The following ATF6 variants were observed in gnomAD, a reference collection of about 807,000 sequenced individuals.
ATF6 encodes the protein cyclic AMP-dependent transcription factor ATF-6 alpha.
A neutral mutation model predicts 83.6 loss-of-function variants in ATF6; 53 were observed. The ratio of observed to expected loss-of-function variants is 0.63; its 90% confidence interval spans 0.51 to 0.80. The LOEUF (loss-of-function observed/expected upper bound fraction) is 0.80. ATF6 is among the 30% of genes least tolerant of loss of function. The pLI, the probability that ATF6 is intolerant of heterozygous loss-of-function variation, is 0.00. For synonymous variants in ATF6, 288 were observed against 285.8 expected (o/e 1.01, Z -0.08); for missense variants, 744 against 797.9 (o/e 0.93, Z 0.81).
intron 9 of ATF6, among the ~76,000 whole-genome samples, chr1:161,833,925 G>A (rs1262658528): frequency 3.3e-5 from 5 of 152,242 alleles, no homozygotes; most frequent in South Asian, 2.1e-4. Flanking sequence ...GATACTCCTC[G>A]AGAAGAGCAA....
rs34794290 is a variant in ATF6 at position 161,959,171 on chromosome 1, GA to G, written c.*521del. 1 of 152,312 alleles carries G rather than the reference GA, an allele frequency of 6.6e-6. No homozygotes were observed. The highest frequency in any genetic ancestry group is 1.5e-5 in the Non-Finnish European group (1 of 68,072). The allele number at this position is 152,312 out of a possible 1,614,324, so 9.4% of individuals were successfully genotyped here. ...TTTGAGAAAACACATTTCAAAACCA[GA>G]AAAGCCAAAAACACTCCAAAAACAA... On this transcript the variant is annotated 3_prime_UTR_variant, in exon 16 of 16. Transcript: ENST00000367942.
At chr1:161,952,495 T>C (rs1395886724) in intron 15 of ATF6, among the ~76,000 whole-genome samples, 7 of 152,232 alleles carry the variant, frequency 4.6e-5, no homozygotes, top group African/African-American at 1.7e-4. Context: ...CTATAACTTA[T>C]TTTCTTTATT....
chr1:161,875,409 GAA>G (rs1238601951), intron 14 of ATF6, among the ~76,000 whole-genome samples: 1 of 151,776 alleles, frequency 6.6e-6, no homozygotes, highest in Non-Finnish European at 1.5e-5. Context: ...TTGGTCATTT[GAA>G]AATACTGGTT....
At chr1:161,951,127 A>G (rs150344940) in intron 15 of ATF6, among the ~76,000 whole-genome samples, 2 of 152,356 alleles carry the variant, frequency 1.3e-5, no homozygotes, top group Non-Finnish European at 2.9e-5. Flanking sequence ...TTGACCATAT[A>G]TAGCTTAGAC....
At chr1:161,819,937 G>A (rs1368726703) in intron 8 of ATF6, 119 bp downstream of exon 8, 5 of 953,740 alleles carry the variant, frequency 5.2e-6, no homozygotes, top group Middle Eastern at 3.5e-4. Context: ...GGAAAAGGAG[G>A]GTATAATAAG....
chr1:161,790,041 CT>C (rs982011383), intron 4 of ATF6, among the ~76,000 whole-genome samples: 63 of 152,148 alleles, frequency 4.1e-4, no homozygotes, highest in Admixed American at 1.1e-3. Flanking sequence ...TTAAATTTGC[CT>C]TTGACTACCA....
At chr1:161,941,106 C>A (rs1009595920) in intron 15 of ATF6, among the ~76,000 whole-genome samples, 9 of 152,180 alleles carry the variant, frequency 5.9e-5, no homozygotes, top group African/African-American at 1.7e-4. Flanking sequence ...ATCATGGGAA[C>A]AAACTCCCAT....
At chr1:161,938,337 A>G (rs1688578060) in intron 15 of ATF6, among the ~76,000 whole-genome samples, 1 of 152,256 alleles carries the variant, frequency 6.6e-6, no homozygotes, top group Admixed American at 6.5e-5. Flanking sequence ...TTAGAATTAC[A>G]TCTAAAGAAA....
chr1:161,804,216 C>T (rs962820552), intron 7 of ATF6, among the ~76,000 whole-genome samples: 5 of 151,568 alleles, frequency 3.3e-5, no homozygotes, highest in Non-Finnish European at 5.9e-5. Flanking sequence ...TAGAAAATAT[C>T]CAAAGTTGCC....
At chr1:161,926,691 A>G (rs1688318558) in intron 15 of ATF6, among the ~76,000 whole-genome samples, 1 of 152,136 alleles carries the variant, frequency 6.6e-6, no homozygotes, top group African/African-American at 2.4e-5. Flanking sequence ...GAAAGTGGGG[A>G]TCATTTGGGG....
intron 1 of ATF6, among the ~76,000 whole-genome samples, chr1:161,773,693 A>G (rs765276463): frequency 1.3e-5 from 2 of 152,192 alleles, no homozygotes; most frequent in Admixed American, 6.5e-5. Flanking sequence ...GAGGTGGGAA[A>G]GTTTGTTGAG....
chr1:161,800,986 C>T (rs923337427), intron 6 of ATF6, among the ~76,000 whole-genome samples: 1 of 152,086 alleles, frequency 6.6e-6, no homozygotes, highest in Non-Finnish European at 1.5e-5. Flanking sequence ...TTTTCTGCAG[C>T]GTTAACAGCA....
intron 14 of ATF6, among the ~76,000 whole-genome samples, chr1:161,892,904 C>T (rs1687588255): frequency 6.6e-6 from 1 of 152,136 alleles, no homozygotes; most frequent in Admixed American, 6.5e-5. Context: ...TCCCAAAGTG[C>T]TGGGATTACA....
chr1:161,898,497 A>G (rs967729834), intron 14 of ATF6, among the ~76,000 whole-genome samples: 1 of 151,834 alleles, frequency 6.6e-6, no homozygotes, highest in African/African-American at 2.4e-5. Flanking sequence ...TTCCCATAAT[A>G]TAGTTATATA....
intron 9 of ATF6, among the ~76,000 whole-genome samples, chr1:161,842,210 G>A (rs1686374020): frequency 6.6e-6 from 1 of 152,080 alleles, no homozygotes; most frequent in African/African-American, 2.4e-5. Flanking sequence ...ACTGAGATAG[G>A]AAAGATGTGA....
chr1:161,853,842 C>G (rs183899582), intron 12 of ATF6, among the ~76,000 whole-genome samples: 40 of 152,266 alleles, frequency 2.6e-4, no homozygotes, highest in Admixed American at 2.0e-3. Context: ...TTAAGTCATT[C>G]CGTCATTCAT....
intron 15 of ATF6, among the ~76,000 whole-genome samples, chr1:161,958,085 C>A (rs779910702): frequency 1.3e-5 from 2 of 152,106 alleles, no homozygotes; most frequent in African/African-American, 4.8e-5. Flanking sequence ...TCTGTATTCC[C>A]CACTAAAAAG....
chr1:161,853,231 C>T lies in ATF6; in HGVS notation c.1441C>T (p.His481Tyr), dbSNP rs767090247. 4.4e-6 allele frequency: 7 copies of T among 1,599,530 alleles called. No homozygotes were observed. The highest frequency in any genetic ancestry group is 3.3e-5 in the South Asian group (3 of 90,124). Residue 481 changes from histidine to tyrosine, a missense_variant, in exon 12 of 16, where the codon CAT (histidine) becomes TAT (tyrosine). Physicochemically the swap from His to Tyr is moderately conservative, Grantham distance 83. Transcript: ENST00000367942. ...TTAAACTATATTTTATAGGTTAAAT[C>T]ATGAACTTCGAGGATGGGTTCATAG... ...INTTESLRLN[H>Y]ELRGWVHRHE...
At chr1:161,876,382 G>T (rs1429074239) in intron 14 of ATF6, among the ~76,000 whole-genome samples, 2 of 151,910 alleles carry the variant, frequency 1.3e-5, no homozygotes. Context: ...CATTGAGCAA[G>T]GTCGATTATC....
Sources: gnomAD v4.1 joint callset for allele counts (sites outside exome capture counted in the v4.1 genomes callset) on GRCh38, gnomAD v4.1.1 for gene constraint, MANE v1.5 for transcripts, NCBI Gene and HGNC (gene_info 2026-07-23, HGNC 2026-07-21) for gene names.